ELN: variants seen among roughly 807,000 people sequenced by gnomAD.
The protein encoded by ELN is elastin, also known as tropoelastin.
Under a neutral mutation model 105.8 loss-of-function variants are expected in ELN, and 65 were observed. That is an observed-to-expected ratio of 0.61 (90% CI 0.50 to 0.75). ELN has a LOEUF of 0.75. Among genes scored for constraint, ELN ranks in the 30% least tolerant of loss-of-function variants. ELN has a pLI of 0.00. For synonymous variants in ELN, 368 were observed against 389.2 expected, an observed-to-expected ratio of 0.95 and a Z score of 0.64; for missense variants, 882 against 969.4, an observed-to-expected ratio of 0.91 and a Z score of 1.20.
At chr7:74,049,082 T>TCCAC (rs1474707252) in intron 15 of ELN, among the ~76,000 whole-genome samples, 1 of 150,176 alleles carries the variant, frequency 6.7e-6, no homozygotes, top group African/African-American at 2.5e-5. Context: ...CATCCATCCA[T>TCCAC]CCATCCATCC....
At chr7:74,061,630 C>A (rs140402242) in intron 26 of ELN, among the ~76,000 whole-genome samples, 2 of 152,020 alleles carry the variant, frequency 1.3e-5, no homozygotes, top group Non-Finnish European at 2.9e-5. Flanking sequence ...CCGGCCTGGA[C>A]GACAGAGCGA....
At position 74,060,731 on chromosome 7, in the gene ELN, G is replaced by A. The variant is rs1317434793; in HGVS notation, c.1747+230G>A. 3.3e-6 allele frequency: 4 copies of A among 1,200,848 alleles called. No homozygotes were observed. In the African/African-American group the frequency reaches 6.1e-5, roughly 18 times the overall value. The allele number at this position is 1,200,848 out of a possible 1,614,324, so 74.4% of individuals were successfully genotyped here. ...TATCTGCCTCCTCAGTAGAGGGGTG[G>A]CAGGGCTCCAGACTGAGAAAAAGCC... On this transcript the variant is annotated intron_variant, in intron 25 of 32. Transcript: ENST00000252034.
intron 32 of ELN, 104 bp downstream of exon 32, chr7:74,066,880 G>A: frequency 1.6e-6 from 2 of 1,276,664 alleles, no homozygotes; most frequent in Non-Finnish European, 2.2e-6. Context: ...CCAGCACCCA[G>A]GGGTGGACCC....
At chr7:74,045,738 C>G in intron 10 of ELN, 1 of 302,230 alleles carries the variant, frequency 3.3e-6, no homozygotes, top group Non-Finnish European at 6.4e-6. Context: ...GACCCCGTTC[C>G]CCCGCAAAAT....
At chr7:74,039,779 G>C (rs971651292) in intron 4 of ELN, among the ~76,000 whole-genome samples, 2 of 152,230 alleles carry the variant, frequency 1.3e-5, no homozygotes, top group African/African-American at 4.8e-5. Context: ...ATGCTCACTG[G>C]TCCCAGCAAG....
At chr7:74,059,585 G>A in intron 22 of ELN, 1 of 515,766 alleles carries the variant, frequency 1.9e-6, no homozygotes. Flanking sequence ...TCAGGAGGCT[G>A]AGGCAGGAGA....
intron 1 of ELN, among the ~76,000 whole-genome samples, chr7:74,033,037 C>T (rs1295970678): frequency 6.6e-6 from 1 of 152,232 alleles, no homozygotes; most frequent in African/African-American, 2.4e-5. Flanking sequence ...TAGCCTATTA[C>T]TTGAACCCTT....
chr7:74,048,082 G>T (rs1792984884), intron 13 of ELN, 60 bp from the exon 14 acceptor site: 1 of 1,604,024 alleles, frequency 6.2e-7, no homozygotes, highest in Non-Finnish European at 8.5e-7. Context: ...AGCAGGGGGA[G>T]GGGGAGGGCA....
At chr7:74,050,722 G>C (rs1320721957) in intron 15 of ELN, among the ~76,000 whole-genome samples, 3 of 152,010 alleles carry the variant, frequency 2.0e-5, no homozygotes, top group Non-Finnish European at 4.4e-5. Context: ...AGAGATCAGG[G>C]ACAAACAAGA....
Position 74,048,217 on chromosome 7 carries a change from C to T in ELN, c.745+16C>T, listed in dbSNP as rs782338024. On this transcript the variant is annotated intron_variant, in intron 14 of 32. Transcript: ENST00000252034. ...ACAGGGACAGGTAAGGAAAGCCTCA[C>T]GTCACTTCCAGCCAAGGGAGCACTG... 1.4e-5 allele frequency: 23 copies of T among 1,613,880 alleles called. No homozygotes were observed. The highest frequency in any genetic ancestry group is 7.7e-5 in the South Asian group (7 of 91,088).
At chr7:74,034,644 G>A (rs1383871213) in intron 1 of ELN, among the ~76,000 whole-genome samples, 5 of 152,208 alleles carry the variant, frequency 3.3e-5, no homozygotes, top group African/African-American at 1.2e-4. Flanking sequence ...GGCAGAAGTT[G>A]CAGTGAGCTG....
chr7:74,033,067 T>G (rs527910972), intron 1 of ELN, among the ~76,000 whole-genome samples: 1 of 152,312 alleles, frequency 6.6e-6, no homozygotes, highest in Admixed American at 6.5e-5. Flanking sequence ...GCAGCAACCT[T>G]GCAACCTTGC....
At chr7:74,065,593 G>A (rs969623450) in intron 29 of ELN, 101 bp from the exon 30 acceptor site, 79 of 1,416,968 alleles carry the variant, frequency 5.6e-5, no homozygotes, top group Admixed American at 3.6e-4. Flanking sequence ...CAGCCCAGGC[G>A]AAGGAGTGAG....
Position 74,069,014 on chromosome 7 carries a change from G to A in ELN, c.*314G>A. On this transcript the variant is annotated 3_prime_UTR_variant, in exon 33 of 33. Transcript: ENST00000252034. ...GGGGAACTTGGTGCTACACGCTGGT[G>A]CTCTTATCTTCCTGGGGGGAGGGAG... is the stretch of plus-strand genomic sequence containing the variant. 2.1e-6 allele frequency: 1 copy of A among 467,568 alleles called. No homozygotes were observed. Among genetic ancestry groups the A allele is most frequent in the Non-Finnish European group, 3.9e-6 (1 of 253,348 alleles). The allele number at this position is 467,568 out of a possible 1,614,324, so 29.0% of individuals were successfully genotyped here. A position where few individuals can be genotyped will look rare whatever the true frequency, so the allele number is the denominator to read the frequency against.
chr7:74,039,493 G>A (rs1165820385), intron 4 of ELN, among the ~76,000 whole-genome samples: 6 of 152,358 alleles, frequency 3.9e-5, no homozygotes, highest in East Asian at 1.9e-4. Flanking sequence ...CAGGCAGCGC[G>A]TGTCATGCTT....
chr7:74,033,970 G>A (rs1789308370), intron 1 of ELN, among the ~76,000 whole-genome samples: 1 of 152,314 alleles, frequency 6.6e-6, no homozygotes, highest in African/African-American at 2.4e-5. Flanking sequence ...GGCAGGGTCT[G>A]GATCCAGCAT....
intron 32 of ELN, 21 bp from the exon 33 acceptor site, chr7:74,068,636 T>C (rs1554690551): frequency 6.2e-7 from 1 of 1,614,112 alleles, no homozygotes; most frequent in South Asian, 1.1e-5. Context: ...CTCACAGTGA[T>C]GTGCACCTCC....
At chr7:74,028,359 T>A in intron 1 of ELN, 90 bp downstream of exon 1, 1 of 1,456,770 alleles carries the variant, frequency 6.9e-7, no homozygotes, top group South Asian at 1.2e-5. Context: ...GAGACCTTCG[T>A]CCCTGGGAAC....
chr7:74,051,887 A>G, intron 16 of ELN, 37 bp from the exon 17 acceptor site: 9 of 1,614,140 alleles, frequency 5.6e-6, no homozygotes, highest in Non-Finnish European at 7.6e-6. Context: ...AGATGGCCAC[A>G]GGGCAAGGAC....
Sources: allele counts gnomAD v4.1 joint callset (sites outside exome capture counted in the v4.1 genomes callset), GRCh38; gene constraint gnomAD v4.1.1; transcripts MANE v1.5; gene names NCBI Gene and HGNC (gene_info 2026-07-23, HGNC 2026-07-21).